DAGLA: variants seen among roughly 807,000 people sequenced by gnomAD.
DAGLA encodes diacylglycerol lipase-alpha.
DAGLA carries 22 observed loss-of-function variants against 102.6 expected under a neutral mutation model. That is an observed-to-expected ratio of 0.21 (90% CI 0.15 to 0.31). DAGLA has a LOEUF of 0.31. DAGLA is among the 10% of genes least tolerant of loss of function. DAGLA has a pLI of 1.00. For synonymous variants in DAGLA, 578 were observed against 628.9 expected (o/e 0.92, Z 1.21); for missense variants, 927 against 1,446.6 (o/e 0.64, Z 5.83).
Position 61,720,758 on chromosome 11 carries a change from G to A in DAGLA, c.175G>A (p.Gly59Ser), listed in dbSNP as rs754533394. 2.5e-6 allele frequency: 4 copies of A among 1,613,930 alleles called. No individual in the cohort carries two copies. The highest frequency in any genetic ancestry group is 1.7e-5 in the Admixed American group (1 of 60,036). The change falls in exon 3 of 20, where the codon GGC (glycine) becomes AGC (serine). Residue 59 changes from glycine (G) to serine (S), a missense_variant. Physicochemically the swap from Gly to Ser is moderately conservative, Grantham distance 56. Transcript: ENST00000257215. ...CTGCTCCCTGAACCTGGTGGACCACGGCCGCGGCTACCTGGGCATCCTGCT... is the reference window on the plus strand; with the variant it reads ...CTGCTCCCTGAACCTGGTGGACCACAGCCGCGGCTACCTGGGCATCCTGCT... ...EACSLNLVDH[G>S]RGYLGILLSC...
intron 12 of DAGLA, 135 bp downstream of exon 12, chr11:61,735,951 G>C (rs965085081): frequency 2.2e-6 from 2 of 893,180 alleles, no homozygotes; most frequent in African/African-American, 3.3e-5. Context: ...GCATGAATTA[G>C]TCTGGAAGGC....
Position 61,734,831 on chromosome 11 carries a change from C to T in DAGLA, c.975-18C>T. On this transcript the variant is annotated intron_variant, in intron 9 of 19. Coordinates refer to ENST00000257215, the MANE Select transcript of DAGLA (RefSeq NM_006133.3). This position sits in a 1 kb window ranked among gnomAD's most constrained non-coding sequence, Gnocchi z 4.2. Reference sequence around the variant, plus strand: ...CGGGGACTCCCTGGCCCTGAACTCTCTTGTCACCCCACCCTAGGTGTTGCC... The same window carrying T: ...CGGGGACTCCCTGGCCCTGAACTCTTTTGTCACCCCACCCTAGGTGTTGCC... 1 of 1,607,136 alleles carries T rather than the reference C, an allele frequency of 6.2e-7. No individual in the cohort carries two copies. The highest frequency in any genetic ancestry group is 8.5e-7 in the Non-Finnish European group (1 of 1,174,760).
Position 61,686,617 on chromosome 11 carries a change from C to G in DAGLA, c.-45+6113C>G, listed in dbSNP as rs1038288637. Among the ~76,000 whole-genome samples, 3 of 152,212 alleles carry G rather than the reference C, an allele frequency of 2.0e-5. No individual in the cohort carries two copies. ...TTGGGGGCTGCTCCTGCAAACCAGT[C>G]CTACACCTGGAGACGGTCCTGGCCA... On this transcript the variant is annotated intron_variant, in intron 1 of 19. Coordinates refer to ENST00000257215, the MANE Select transcript of DAGLA (RefSeq NM_006133.3). The surrounding 1 kb of genome is among the most constrained non-coding windows in gnomAD (Gnocchi z 5.2).
At chr11:61,728,340 C>G in intron 7 of DAGLA, 53 bp downstream of exon 7, 1 of 1,592,536 alleles carries the variant, frequency 6.3e-7, no homozygotes. Context: ...ACCCTTCTTT[C>G]AGGCCCCTTC....
intron 1 of DAGLA, among the ~76,000 whole-genome samples, chr11:61,689,025 G>A (rs749813952): frequency 6.6e-5 from 10 of 152,384 alleles, no homozygotes; most frequent in Middle Eastern, 3.4e-3. Context: ...GCCTGCCATC[G>A]CTCATTGGAA....
At chr11:61,739,692 G>T (rs1350538526) in intron 17 of DAGLA, 31 bp downstream of exon 17, 5 of 1,605,442 alleles carry the variant, frequency 3.1e-6, no homozygotes, top group Non-Finnish European at 4.2e-6. Flanking sequence ...CTGCTGCAGG[G>T]GGTAGTGGCC....
intron 1 of DAGLA, among the ~76,000 whole-genome samples, chr11:61,715,331 C>T (rs1323117731): frequency 6.6e-6 from 1 of 152,242 alleles, no homozygotes; most frequent in Non-Finnish European, 1.5e-5. Flanking sequence ...ATCCCATCCC[C>T]AGGCCAATGA....
At chr11:61,729,471 A>G (rs573368528) in intron 8 of DAGLA, among the ~76,000 whole-genome samples, 2 of 148,302 alleles carry the variant, frequency 1.3e-5, no homozygotes, top group East Asian at 3.9e-4. Context: ...GGCCCAGCAC[A>G]CAGCCCAGGG....
At chr11:61,728,476 AG>A (rs1276091628) in intron 7 of DAGLA, among the ~76,000 whole-genome samples, 189 bp downstream of exon 7, 1 of 152,154 alleles carries the variant, frequency 6.6e-6, no homozygotes, top group Admixed American at 6.5e-5. Context: ...TCCTTCGGCC[AG>A]GCTTTCCGTG....
chr11:61,740,756 C>T (rs553207339), intron 18 of DAGLA, among the ~76,000 whole-genome samples, 164 bp downstream of exon 18: 2 of 152,338 alleles, frequency 1.3e-5, no homozygotes, highest in South Asian at 4.1e-4. Context: ...ACTTCAACCT[C>T]ACACCCCTGG....
rs1201520487 is a variant in DAGLA, at chr11:61,741,285, C to T, written c.2107C>T (p.Pro703Ser). Reference protein sequence around the residue: ...IFQQQPLPTGPPMPTGLALEL... With the variant: ...IFQQQPLPTGSPMPTGLALEL... ...CCAGCAGCAGCCACTCCCCACGGGG[C>T]CGCCCATGCCCACTGGCCTTGCCCT... The change falls in exon 19 of 20, where the codon CCG (proline) becomes TCG (serine). Residue 703 changes from proline to serine, a missense_variant. Transcript: ENST00000257215. The T allele has an allele frequency of 6.2e-7, 1 of 1,612,864 alleles. No individual in the cohort carries two copies. The highest frequency in any genetic ancestry group is 8.5e-7 in the Non-Finnish European group (1 of 1,180,010).
chr11:61,709,102 C>T (rs934952377), intron 1 of DAGLA, among the ~76,000 whole-genome samples: 1 of 152,182 alleles, frequency 6.6e-6, no homozygotes, highest in African/African-American at 2.4e-5. Context: ...AGCTCAGGCA[C>T]CTGTATGTAG....
intron 18 of DAGLA, 130 bp downstream of exon 18, chr11:61,740,722 T>G (rs2065470657): frequency 1.6e-6 from 2 of 1,261,642 alleles, no homozygotes; most frequent in African/African-American, 1.5e-5. Context: ...AGTAGGTAGC[T>G]GGGCCAGAAA....
intron 1 of DAGLA, among the ~76,000 whole-genome samples, chr11:61,704,896 A>G (rs182489901): frequency 3.3e-4 from 51 of 152,280 alleles, no homozygotes; most frequent in Admixed American, 2.3e-3. Context: ...AAATGCCTCA[A>G]ACCCCCTCAA....
intron 15 of DAGLA, 94 bp downstream of exon 15, chr11:61,737,849 C>T: frequency 9.0e-7 from 1 of 1,116,150 alleles, no homozygotes; most frequent in Admixed American, 1.8e-5. Context: ...CTCTCTCAGT[C>T]CGATTCCTGT....
At chr11:61,718,332 C>T (rs967164079) in intron 1 of DAGLA, among the ~76,000 whole-genome samples, 1 of 152,114 alleles carries the variant, frequency 6.6e-6, no homozygotes, top group Non-Finnish European at 1.5e-5. Context: ...CTGTTCCATT[C>T]ATGTGAGGGG....
chr11:61,741,859 G>A (rs1203173034), intron 19 of DAGLA, among the ~76,000 whole-genome samples: 58 of 152,132 alleles, frequency 3.8e-4, no homozygotes, highest in Admixed American at 3.6e-3. Flanking sequence ...TGATCTGCCC[G>A]CCTCAGCCTC....
At chr11:61,721,413 T>C (rs2065281710) in intron 3 of DAGLA, among the ~76,000 whole-genome samples, 1 of 151,672 alleles carries the variant, frequency 6.6e-6, no homozygotes, top group Admixed American at 6.6e-5. Flanking sequence ...GAAAATAAGG[T>C]TTTATTGGCA....
rs145200649 is a variant in DAGLA at position 61,741,287 on chromosome 11, G to A, written c.2109G>A (p.Pro703=). The A allele has an allele frequency of 1.8e-4, 283 of 1,612,720 alleles. 1 individual carries two copies. The African/African-American group carries it at 2.6e-3, about 15-fold the overall frequency. Residue 703 remains proline (P), a synonymous_variant, in exon 19 of 20, where the codon CCG becomes CCA. Coordinates refer to ENST00000257215, the MANE Select transcript of DAGLA (RefSeq NM_006133.3). Reference sequence around the variant, plus strand: ...AGCAGCAGCCACTCCCCACGGGGCCGCCCATGCCCACTGGCCTTGCCCTGG... The same window carrying A: ...AGCAGCAGCCACTCCCCACGGGGCCACCCATGCCCACTGGCCTTGCCCTGG... The part of the protein sequence containing the change: ...IFQQQPLPTG[P]PMPTGLALEL...
Sources: gnomAD v4.1 joint callset for allele counts (sites outside exome capture counted in the v4.1 genomes callset) on GRCh38, gnomAD v4.1.1 for gene constraint, Gnocchi (gnomAD v3.1) non-coding constraint, MANE v1.5 for transcripts, NCBI Gene and HGNC (gene_info 2026-07-23, HGNC 2026-07-21) for gene names.